The following RBFOX1 variants were observed in gnomAD, a reference collection of about 807,000 sequenced individuals.
RBFOX1 encodes the protein RNA binding fox-1 homolog 1.
Under a neutral mutation model 57.7 loss-of-function variants are expected in RBFOX1, and 8 were observed. The observed-to-expected ratio is 0.14, with a 90% confidence interval of 0.08 to 0.25. The LOEUF is 0.25. Among genes scored for constraint, RBFOX1 ranks in the 10% least tolerant of loss-of-function variants. The pLI is 1.00. For missense variants in RBFOX1, 611 were observed against 548.5 expected, an observed-to-expected ratio of 1.11 and a Z score of -1.14; for synonymous variants, 326 against 222.4, an observed-to-expected ratio of 1.47 and a Z score of -4.15.
intron 3 of RBFOX1, among the ~76,000 whole-genome samples, chr16:6,735,986 G>A (rs1314334628): frequency 0.024 from 3 of 126 alleles, no homozygotes; most frequent in African/African-American, 0.071. Flanking sequence ...TACTGGGCCT[G>A]CTCAAGGGTA....
At chr16:6,447,161 A>G (rs2094501195) in intron 2 of RBFOX1, among the ~76,000 whole-genome samples, 2 of 152,124 alleles carry the variant, frequency 1.3e-5, no homozygotes, top group African/African-American at 4.8e-5. Context: ...TTTTTCCTTC[A>G]AGCGTTGCAT....
intron 3 of RBFOX1, among the ~76,000 whole-genome samples, chr16:6,664,921 G>A (rs1004776796): frequency 9.2e-5 from 14 of 152,164 alleles, no homozygotes; most frequent in African/African-American, 2.9e-4. Context: ...CAGCTGCATC[G>A]TCTATAAAAC....
At chr16:6,284,876 T>C (rs2076742140) in intron 1 of RBFOX1, among the ~76,000 whole-genome samples, 1 of 152,134 alleles carries the variant, frequency 6.6e-6, no homozygotes, top group African/African-American at 2.4e-5. Context: ...ATTAAAGGCT[T>C]ATTAACTGCA....
intron 3 of RBFOX1, among the ~76,000 whole-genome samples, chr16:6,747,412 G>GAA (rs34681943): frequency 6.7e-5 from 10 of 148,560 alleles, no homozygotes; most frequent in South Asian, 2.1e-4. Context: ...GTCTCAAAAA[G>GAA]AAAAAAAAAA....
chr16:5,378,777 C>T (rs148886573), intron 1 of RBFOX1, among the ~76,000 whole-genome samples: 1 of 151,600 alleles, frequency 6.6e-6, no homozygotes, highest in African/African-American at 2.4e-5. Flanking sequence ...ATGCTAATGC[C>T]CATCTCATCC....
intron 2 of RBFOX1, among the ~76,000 whole-genome samples, chr16:6,506,151 A>C (rs1261550552): frequency 6.6e-6 from 1 of 152,172 alleles, no homozygotes; most frequent in African/African-American, 2.4e-5. Context: ...AGAAACAGTT[A>C]ATTTAGAAGC....
chr16:7,462,871 C>G (rs1017378776), intron 4 of RBFOX1, among the ~76,000 whole-genome samples: 1 of 152,196 alleles, frequency 6.6e-6, no homozygotes, highest in South Asian at 2.1e-4. Flanking sequence ...CACTCTGACT[C>G]TAGTTGGAGA....
At chr16:7,253,084 C>T (rs1306977469) in intron 4 of RBFOX1, among the ~76,000 whole-genome samples, 3 of 152,274 alleles carry the variant, frequency 2.0e-5, no homozygotes, top group South Asian at 4.1e-4. Flanking sequence ...TACCTTTAAA[C>T]ACAGCATCAC....
chr16:5,978,197 C>CCAAATACT (rs1344689583), intron 4 of RBFOX1, among the ~76,000 whole-genome samples: 1 of 135,024 alleles, frequency 7.4e-6, no homozygotes, highest in Non-Finnish European at 1.5e-5. Context: ...TCCTGTATTC[C>CCAAATACT]CAAATACTCA....
chr16:5,907,613 A>G (rs1299465208), intron 4 of RBFOX1, among the ~76,000 whole-genome samples: 1 of 152,098 alleles, frequency 6.6e-6, no homozygotes, highest in Non-Finnish European at 1.5e-5. Flanking sequence ...AAGTCTCGTA[A>G]CAACCCCTGA....
intron 1 of RBFOX1, among the ~76,000 whole-genome samples, chr16:5,384,866 C>T (rs765640191): frequency 6.6e-6 from 1 of 152,148 alleles, no homozygotes; most frequent in Non-Finnish European, 1.5e-5. Context: ...ATTCCTACCT[C>T]ATCAGGTGGT....
intron 4 of RBFOX1, among the ~76,000 whole-genome samples, chr16:7,209,101 C>T (rs182321423): frequency 1.8e-3 from 279 of 151,558 alleles, no homozygotes; most frequent in African/African-American, 6.3e-3. Flanking sequence ...TCAAGAGCAG[C>T]CTGGCCAACG....
At chr16:7,366,772 A>T (rs1424625876) in intron 4 of RBFOX1, among the ~76,000 whole-genome samples, 4 of 152,152 alleles carry the variant, frequency 2.6e-5, no homozygotes, top group African/African-American at 4.8e-5. Flanking sequence ...AGAAAAACAC[A>T]TAAAGGGATT....
At chr16:6,569,672 G>C (rs1368348699) in intron 2 of RBFOX1, among the ~76,000 whole-genome samples, 1 of 152,150 alleles carries the variant, frequency 6.6e-6, no homozygotes, top group Admixed American at 6.5e-5. Flanking sequence ...TTTTCTGTGG[G>C]AACCCATCCT....
At chr16:6,255,158 A>G (rs1248788437) in intron 1 of RBFOX1, among the ~76,000 whole-genome samples, 3 of 152,140 alleles carry the variant, frequency 2.0e-5, no homozygotes, top group African/African-American at 7.2e-5. Context: ...GGGTGGTGAG[A>G]ACCTGGAAAC....
At chr16:5,542,330 C>T (rs947228206) in intron 2 of RBFOX1, among the ~76,000 whole-genome samples, 33 of 149,250 alleles carry the variant, frequency 2.2e-4, no homozygotes, top group African/African-American at 8.2e-4. Flanking sequence ...CTCACTGCAA[C>T]CTCTGCCTCC....
At chr16:5,790,226 C>T (rs949119413) in intron 3 of RBFOX1, among the ~76,000 whole-genome samples, 2 of 152,220 alleles carry the variant, frequency 1.3e-5, no homozygotes, top group African/African-American at 4.8e-5. Flanking sequence ...CACCAAAGGT[C>T]AGTTCCATGG....
chr16:6,464,307 A>G (rs982957182), intron 2 of RBFOX1, among the ~76,000 whole-genome samples: 1 of 152,184 alleles, frequency 6.6e-6, no homozygotes, highest in Non-Finnish European at 1.5e-5. Context: ...ATAATCTTTG[A>G]AGAGCTGCTT....
At chr16:5,955,357 A>AAAT (rs2059613349) in intron 4 of RBFOX1, among the ~76,000 whole-genome samples, 3 of 20,802 alleles carry the variant, frequency 1.4e-4, no homozygotes, top group African/African-American at 6.9e-4. Flanking sequence ...AAAATAAATA[A>AAAT]AAATAAAATA....
Sources: allele counts gnomAD v4.1 joint callset (sites outside exome capture counted in the v4.1 genomes callset), GRCh38; gene constraint gnomAD v4.1.1; transcripts MANE v1.5; gene names NCBI Gene and HGNC (gene_info 2026-07-23, HGNC 2026-07-21).